ARID1A: variants seen among roughly 807,000 people sequenced by gnomAD.
ARID1A encodes AT-rich interaction domain 1A.
Under a neutral mutation model 212.6 loss-of-function variants are expected in ARID1A, and 20 were observed. The ratio of observed to expected loss-of-function variants is 0.09; its 90% CI spans 0.07 to 0.14. The LOEUF is 0.14. Ranked by LOEUF, ARID1A falls within the 10% of genes least tolerant of loss-of-function variation. The probability of loss-of-function intolerance (pLI) is 1.00; values close to 1 mark genes in which losing one functional copy is unlikely to be tolerated. For missense variants in ARID1A, 2,587 were observed against 3,059.0 expected, an observed-to-expected ratio of 0.85 and a Z score of 3.64; for synonymous variants, 1,376 against 1,222.1, an observed-to-expected ratio of 1.13 and a Z score of -2.63.
chr1:26,711,529 C>T (rs1369480585), intron 1 of ARID1A, among the ~76,000 whole-genome samples: 2 of 152,242 alleles, frequency 1.3e-5, no homozygotes, highest in South Asian at 2.1e-4. Flanking sequence ...AATACCGTAA[C>T]GTTGGAGGTT....
intron 1 of ARID1A, among the ~76,000 whole-genome samples, chr1:26,708,328 A>G (rs1000690624): frequency 9.1e-6 from 1 of 110,068 alleles, no homozygotes; most frequent in African/African-American, 3.6e-5. Context: ...ACTGTCGCCC[A>G]GGCTGGATTG....
chr1:26,698,904 T>A (rs2080305880), intron 1 of ARID1A, among the ~76,000 whole-genome samples: 1 of 152,238 alleles, frequency 6.6e-6, no homozygotes, highest in Non-Finnish European at 1.5e-5. Context: ...CGGTCTGTTT[T>A]AAGGAAGACT....
chr1:26,733,957 C>A (rs1220242420), intron 4 of ARID1A, among the ~76,000 whole-genome samples: 12 of 152,322 alleles, frequency 7.9e-5, no homozygotes, highest in African/African-American at 2.9e-4. Flanking sequence ...CTCAATAGGG[C>A]AAGGTCTGCA....
intron 1 of ARID1A, among the ~76,000 whole-genome samples, chr1:26,710,463 G>A (rs573609264): frequency 3.8e-5 from 5 of 133,114 alleles, no homozygotes; most frequent in East Asian, 2.2e-4. Flanking sequence ...GCGACAGAGC[G>A]AGATGCCATC....
At chr1:26,708,697 C>CTT (rs71007886) in intron 1 of ARID1A, among the ~76,000 whole-genome samples, 1 of 149,210 alleles carries the variant, frequency 6.7e-6, no homozygotes, top group Non-Finnish European at 1.5e-5. Context: ...GGATTATTGT[C>CTT]TTTTTTTTTC....
At chr1:26,728,967 CT>C (rs879603893) in intron 1 of ARID1A, 58 of 148,448 alleles carry the variant, frequency 3.9e-4, no homozygotes, top group Admixed American at 6.1e-4. Context: ...TCTTCTTGCT[CT>C]TTTTTTTTTA....
intron 4 of ARID1A, among the ~76,000 whole-genome samples, chr1:26,740,836 G>T (rs1311109149): frequency 6.6e-6 from 1 of 152,190 alleles, no homozygotes; most frequent in East Asian, 1.9e-4. Flanking sequence ...GCTCCCACAT[G>T]TGGAACATGC....
chr1:26,710,494 T>TACACACACACACACACACACACACACAC lies in ARID1A; in HGVS notation c.1137+12961_1137+12988dup, dbSNP rs61663540. ...CCATCTCAAAAAATAAAATAATACATACACACACACACACACACACACACA... is the reference window on the plus strand; with the variant it reads ...CCATCTCAAAAAATAAAATAATACATACACACACACACACACACACACACACACACACACACACACACACACACACACA... On this transcript the variant is annotated intron_variant, in intron 1 of 19. Transcript: ENST00000324856. 1.8e-3 allele frequency among the ~76,000 whole-genome samples: 232 copies of TACACACACACACACACACACACACACAC among 131,504 alleles called. 5 individuals are homozygous for TACACACACACACACACACACACACACAC. Among genetic ancestry groups the TACACACACACACACACACACACACACAC allele is most frequent in the African/African-American group, 6.0e-3 (197 of 32,750 alleles). The allele number at this position is 131,504 out of a possible 152,430, so 86.3% of individuals were successfully genotyped here.
chr1:26,741,293 A>G (rs995871165), intron 4 of ARID1A, among the ~76,000 whole-genome samples: 1 of 152,218 alleles, frequency 6.6e-6, no homozygotes, highest in African/African-American at 2.4e-5. Context: ...TTCAAAGAAA[A>G]TAGGTAGTTG....
chr1:26,720,641 G>C (rs1486226384), intron 1 of ARID1A, among the ~76,000 whole-genome samples: 4 of 152,126 alleles, frequency 2.6e-5, no homozygotes, highest in Non-Finnish European at 1.5e-5. Flanking sequence ...ACTTTGGGAG[G>C]CTGAAGCTGG....
chr1:26,718,797 G>A (rs558915668), intron 1 of ARID1A, among the ~76,000 whole-genome samples: 1 of 152,244 alleles, frequency 6.6e-6, no homozygotes, highest in Admixed American at 6.5e-5. Context: ...TGAATCTGTG[G>A]ATGCAGAACC....
chr1:26,728,783 A>G (rs1226981702), intron 1 of ARID1A: 1 of 152,226 alleles, frequency 6.6e-6, no homozygotes, highest in Non-Finnish European at 1.5e-5. Flanking sequence ...ATAGGTAGAT[A>G]TTTCTGGCAG....
chr1:26,757,161 G>A (rs1262513956), intron 4 of ARID1A, among the ~76,000 whole-genome samples: 1 of 151,400 alleles, frequency 6.6e-6, no homozygotes, highest in East Asian at 1.9e-4. Context: ...GTTGCAGTGA[G>A]CTGAGATCAT....
intron 1 of ARID1A, among the ~76,000 whole-genome samples, chr1:26,707,200 ATT>A (rs751639614): frequency 5.8e-5 from 6 of 102,606 alleles, no homozygotes; most frequent in African/African-American, 1.8e-4. Flanking sequence ...CGGCTGGCTA[ATT>A]TTTTTTTTTT....
At chr1:26,745,284 C>T (rs2080826128) in intron 4 of ARID1A, among the ~76,000 whole-genome samples, 1 of 152,156 alleles carries the variant, frequency 6.6e-6, no homozygotes, top group South Asian at 2.1e-4. Context: ...AATCAGTAAA[C>T]TGGAATCAAG....
intron 4 of ARID1A, among the ~76,000 whole-genome samples, chr1:26,758,411 T>C (rs1432587031): frequency 6.6e-6 from 1 of 151,932 alleles, no homozygotes; most frequent in Non-Finnish European, 1.5e-5. Context: ...CAGAATCCCT[T>C]CTCTACACAC....
At chr1:26,736,381 G>A (rs2080730053) in intron 4 of ARID1A, among the ~76,000 whole-genome samples, 1 of 150,550 alleles carries the variant, frequency 6.6e-6, no homozygotes, top group Non-Finnish European at 1.5e-5. Context: ...TGTAATCCCA[G>A]CACTTTGGGA....
chr1:26,739,982 A>C lies in ARID1A; in HGVS notation c.1920+7190A>C, dbSNP rs1019131751. ...TGTCCTCAGCATAATCACCAGAGTG[A>C]TCATCTTAAAAAAAAAAAAAAAGAA... On this transcript the variant is annotated intron_variant, in intron 4 of 19. Transcript: ENST00000324856. Among the ~76,000 whole-genome samples the C allele has an allele frequency of 2.0e-5, 3 of 149,670 alleles. No homozygotes were observed. In the Admixed American group the frequency reaches 2.0e-4, roughly 10 times the overall value.
chr1:26,712,622 T>G (rs2080464971), intron 1 of ARID1A, among the ~76,000 whole-genome samples: 1 of 151,900 alleles, frequency 6.6e-6, no homozygotes. Context: ...GCCCAGGAGT[T>G]TATTGGAGGC....
Sources: gnomAD v4.1 joint callset for allele counts (sites outside exome capture counted in the v4.1 genomes callset) on GRCh38, gnomAD v4.1.1 for gene constraint, MANE v1.5 for transcripts, NCBI Gene and HGNC (gene_info 2026-07-23, HGNC 2026-07-21) for gene names.